CHAF1A: variants seen among roughly 807,000 people sequenced by gnomAD.
CHAF1A encodes CAF-1 subunit A.
CHAF1A carries 5 observed loss-of-function variants against 93.2 expected under a neutral mutation model. The observed-to-expected ratio is 0.05, with a 90% CI of 0.03 to 0.11. The LOEUF is 0.11. CHAF1A is among the 10% of genes least tolerant of loss of function. The pLI, the probability that CHAF1A is intolerant of heterozygous loss-of-function variation, is 1.00. For missense variants in CHAF1A, 1,102 were observed against 1,259.9 expected (o/e 0.87, Z 1.90); for synonymous variants, 504 against 510.3 (o/e 0.99, Z 0.17).
At chr19:4,403,849 T>C (rs1303942429) in intron 1 of CHAF1A, among the ~76,000 whole-genome samples, 1 of 152,222 alleles carries the variant, frequency 6.6e-6, no homozygotes, top group African/African-American at 2.4e-5. Context: ...GTCAGGATGT[T>C]TAACTTTATT....
chr19:4,439,262 C>T (rs1221939662), intron 13 of CHAF1A, among the ~76,000 whole-genome samples: 5 of 149,590 alleles, frequency 3.3e-5, no homozygotes, highest in African/African-American at 9.9e-5. Flanking sequence ...GCCTGGGCAA[C>T]AGAGCAAGTC....
At chr19:4,445,064 A>G (rs2062859146), downstream of CHAF1A, 2 of 183,228 alleles carry the variant, frequency 1.1e-5, no homozygotes, top group South Asian at 1.1e-4. Context: ...GTCTATGTGC[A>G]GGAAGGCCAG....
In CHAF1A at chr19:4,409,168, G is replaced by C; in HGVS notation, c.369G>C (p.Ser123=). 6.2e-7 allele frequency: 1 copy of C among 1,614,184 alleles called. No individual in the cohort carries two copies. Among genetic ancestry groups the C allele is most frequent in the Non-Finnish European group, 8.5e-7 (1 of 1,180,048 alleles). The change falls in exon 3 of 15, where the codon TCG becomes TCC. Residue 123 remains serine, a synonymous_variant. Transcript: ENST00000301280. ...STVIIDLTED[S]NEQPDSLVDH... is the part of the protein sequence containing the mutation. The stretch of plus-strand genomic sequence containing the variant: ...TCATCATTGATTTGACAGAGGACTC[G>C]AATGAGCAGCCAGACAGTCTTGTGG...
chr19:4,441,041 G>A (rs1204298293), intron 13 of CHAF1A, among the ~76,000 whole-genome samples: 1 of 151,668 alleles, frequency 6.6e-6, no homozygotes, highest in Non-Finnish European at 1.5e-5. Flanking sequence ...CGTTGCGGCT[G>A]GGGCAGTGGC....
rs188844139 is a variant in CHAF1A, at chr19:4,439,697, A to C, written c.2674-2548A>C. On this transcript the variant is annotated intron_variant, in intron 13 of 14. Coordinates refer to ENST00000301280, the MANE Select transcript of CHAF1A (RefSeq NM_005483.3). ...AATGTCCCTCCTCAGCAGCGTCTAC[A>C]GGGGACTCTTAGACTCTTCTTTGCT... 2.0e-5 allele frequency among the ~76,000 whole-genome samples: 3 copies of C among 152,392 alleles called. No individual in the cohort carries two copies. In the East Asian group the frequency reaches 5.8e-4, roughly 29 times the overall value.
At chr19:4,435,019 T>C (rs1974256037) in intron 13 of CHAF1A, among the ~76,000 whole-genome samples, 1 of 152,018 alleles carries the variant, frequency 6.6e-6, no homozygotes, top group Admixed American at 6.6e-5. Flanking sequence ...TTTGTTAACG[T>C]TCATTGCATA....
intron 2 of CHAF1A, among the ~76,000 whole-genome samples, chr19:4,406,654 C>T (rs909133929): frequency 6.6e-6 from 1 of 152,078 alleles, no homozygotes; most frequent in African/African-American, 2.4e-5. Context: ...GGGATGGTCT[C>T]GATCTCCTGA....
At chr19:4,438,082 T>C (rs557897270) in intron 13 of CHAF1A, among the ~76,000 whole-genome samples, 12 of 152,306 alleles carry the variant, frequency 7.9e-5, no homozygotes, top group African/African-American at 2.9e-4. Flanking sequence ...CTTGCCCTGT[T>C]GCCCTTTATT....
At position 4,409,452 on chromosome 19, in the gene CHAF1A, C is replaced by G. The variant is rs950782305; in HGVS notation, c.653C>G (p.Pro218Arg). ...CTGACGAGTGGCCCGAGAATGTGCC[C>G]CAGAAAGGAGCAGGACAGTTGGAGT... Reference protein sequence around the residue: ...PELTSGPRMCPRKEQDSWSEA... With the variant: ...PELTSGPRMCRRKEQDSWSEA... Residue 218 changes from proline (P) to arginine (R), a missense_variant, in exon 3 of 15, where the codon CCC (proline) becomes CGC (arginine). Coordinates refer to ENST00000301280, the MANE Select transcript of CHAF1A (RefSeq NM_005483.3). 1.5e-5 allele frequency: 25 copies of G among 1,613,948 alleles called. No individual in the cohort carries two copies. Among genetic ancestry groups the G allele is most frequent in the Non-Finnish European group, 2.1e-5 (25 of 1,180,002 alleles).
At chr19:4,432,959 G>T in intron 12 of CHAF1A, 111 bp from the exon 13 acceptor site, 1 of 859,504 alleles carries the variant, frequency 1.2e-6, no homozygotes, top group South Asian at 1.7e-5. Flanking sequence ...CCCGAAGCTG[G>T]CCATGCCCCA....
chr19:4,433,266 G>C lies in CHAF1A; in HGVS notation c.2400G>C (p.Arg800=). The C allele has an allele frequency of 6.2e-7, 1 of 1,614,216 alleles. No homozygotes were observed. Among genetic ancestry groups the C allele is most frequent in the Non-Finnish European group, 8.5e-7 (1 of 1,180,042 alleles). Reference sequence around the variant, plus strand: ...TCCCCTCTAAGTCCCGGCTCAAGCGGCTCATTTCCGAGAACTCAGTGTATG... The same window carrying C: ...TCCCCTCTAAGTCCCGGCTCAAGCGCCTCATTTCCGAGAACTCAGTGTATG... ...AAIPSKSRLK[R]LISENSVYEK... The change falls in exon 13 of 15, where the codon CGG becomes CGC. Residue 800 remains arginine, a synonymous_variant. Coordinates refer to ENST00000301280, the MANE Select transcript of CHAF1A (RefSeq NM_005483.3). This position sits in a 1 kb window ranked among gnomAD's most constrained non-coding sequence, Gnocchi z 5.6.
rs1371934364 is a variant in CHAF1A, at chr19:4,429,471, C to T, written c.1638C>T (p.Asp546=). ...DVVIVERGKG[D]GVPERRKFGR... is the part of the protein sequence containing the mutation. ...TCATCGTGGAGCGTGGGAAGGGCGA[C>T]GGTGTTCCCGAGAGGAGGAAGTTTG... is the stretch of plus-strand genomic sequence containing the variant. Residue 546 remains aspartate, a synonymous_variant, in exon 9 of 15, where the codon GAC becomes GAT. Transcript: ENST00000301280. 16 of 1,613,986 alleles carry T rather than the reference C, an allele frequency of 9.9e-6. No individual in the cohort carries two copies. The highest frequency in any genetic ancestry group is 1.7e-4 in the Middle Eastern group (1 of 6,060).
chr19:4,442,170 T>G, intron 13 of CHAF1A, 75 bp from the exon 14 acceptor site: 1 of 1,214,570 alleles, frequency 8.2e-7, no homozygotes, highest in Non-Finnish European at 1.2e-6. Flanking sequence ...ACCTGTGGAG[T>G]TCCCCCCGCT....
intron 8 of CHAF1A, 67 bp downstream of exon 8, chr19:4,428,957 G>A: frequency 7.3e-7 from 1 of 1,369,154 alleles, no homozygotes; most frequent in Non-Finnish European, 1.0e-6. Flanking sequence ...TGAACCCTGG[G>A]GTCCCCGGGG....
At chr19:4,402,916 G>T in intron 1 of CHAF1A, 102 bp downstream of exon 1, 1 of 699,318 alleles carries the variant, frequency 1.4e-6, no homozygotes, top group African/African-American at 1.9e-5. Context: ...CGCCAAGCCT[G>T]GTCCTGCGGG....
chr19:4,431,128 CTT>C (rs1275892345), intron 11 of CHAF1A: 14 of 143,944 alleles, frequency 9.7e-5, no homozygotes, highest in South Asian at 4.3e-4. Flanking sequence ...GTGGAACTGT[CTT>C]TTTTTTTTTT....
rs746588408 is a variant in CHAF1A at position 4,423,382 on chromosome 19, GAGA to G, written c.1302_1304del (p.Glu435del). ...AAAAAGGAAGAAGAGAAACGGTTAA[GAGA>G]AGAAGAGAAGGTAGAGTGTTTCCCA... On this transcript the variant is annotated inframe_deletion, in exon 6 of 15. Transcript: ENST00000301280. The G allele has an allele frequency of 1.2e-6, 2 of 1,614,146 alleles. No homozygotes were observed. The highest frequency in any genetic ancestry group is 1.7e-6 in the Non-Finnish European group (2 of 1,179,972).
downstream of CHAF1A, chr19:4,448,443 C>G (rs1974586326): frequency 6.3e-7 from 1 of 1,577,556 alleles, no homozygotes; most frequent in Non-Finnish European, 8.6e-7. Context: ...GGGAAAGCCA[C>G]TCACTGAGAG....
Position 4,418,085 on chromosome 19 carries a change from T to C in CHAF1A, c.1017+9T>C. The C allele has an allele frequency of 6.3e-7, 1 of 1,584,706 alleles. No individual in the cohort carries two copies. Among genetic ancestry groups the C allele is most frequent in the Non-Finnish European group, 8.6e-7 (1 of 1,162,592 alleles). On this transcript the variant is annotated intron_variant, in intron 4 of 14. Transcript: ENST00000301280. ...AGCTCAGACTGCAAAGAGTAAGACATTTTCCCTGAAATAGAAAATTAACCT... is the reference window on the plus strand; with the variant it reads ...AGCTCAGACTGCAAAGAGTAAGACACTTTCCCTGAAATAGAAAATTAACCT...
Sources: allele counts gnomAD v4.1 joint callset (sites outside exome capture counted in the v4.1 genomes callset), GRCh38; gene constraint gnomAD v4.1.1; non-coding constraint Gnocchi (gnomAD v3.1); transcripts MANE v1.5; gene names NCBI Gene and HGNC (gene_info 2026-07-23, HGNC 2026-07-21).